The following FBXL20 variants were observed in gnomAD, a reference collection of about 807,000 sequenced individuals.
FBXL20 encodes F-box/LRR-repeat protein 20.
FBXL20 carries 11 observed loss-of-function variants against 64.0 expected under a neutral mutation model. The ratio of observed to expected loss-of-function variants is 0.17; its 90% CI spans 0.11 to 0.28. The LOEUF (loss-of-function observed/expected upper bound fraction) is 0.28, where lower values mean the gene tolerates loss of function less well. Ranked by LOEUF, FBXL20 falls within the 10% of genes least tolerant of loss-of-function variation. The pLI is 1.00. For missense variants in FBXL20, 303 were observed against 526.2 expected (o/e 0.58, Z 4.15); for synonymous variants, 184 against 189.0 (o/e 0.97, Z 0.22).
chr17:39,283,539 G>T (rs1463757714), intron 7 of FBXL20, among the ~76,000 whole-genome samples: 1 of 151,932 alleles, frequency 6.6e-6, no homozygotes, highest in Non-Finnish European at 1.5e-5. Context: ...TGGCTCAACT[G>T]ATCCTCCCGC....
chr17:39,402,000 C>T (rs1438881210), upstream of FBXL20: 3 of 550,582 alleles, frequency 5.4e-6, no homozygotes, highest in African/African-American at 5.9e-5. Flanking sequence ...GCGGGGGCCC[C>T]TCTTCTGCCC....
intron 1 of FBXL20, among the ~76,000 whole-genome samples, chr17:39,355,220 C>T (rs950226789): frequency 3.9e-5 from 6 of 152,140 alleles, no homozygotes; most frequent in South Asian, 2.1e-4. Flanking sequence ...GTGTGAGCCA[C>T]CACGCCCGGC....
intron 1 of FBXL20, among the ~76,000 whole-genome samples, chr17:39,396,747 A>G (rs997457783): frequency 6.6e-6 from 1 of 151,800 alleles, no homozygotes; most frequent in Admixed American, 6.6e-5. Flanking sequence ...CGAGGTTAGG[A>G]GATTGAGACC....
chr17:39,330,949 C>A (rs2047454536), intron 2 of FBXL20, among the ~76,000 whole-genome samples: 1 of 152,120 alleles, frequency 6.6e-6, no homozygotes, highest in Admixed American at 6.6e-5. Context: ...AAATAAAATC[C>A]TAAATTACAA....
intron 1 of FBXL20, among the ~76,000 whole-genome samples, chr17:39,398,084 C>G (rs1238513032): frequency 1.5e-5 from 2 of 131,184 alleles, no homozygotes; most frequent in African/African-American, 5.7e-5. Flanking sequence ...GAGCTCGAGA[C>G]CAGCCTGGCC....
intron 6 of FBXL20, among the ~76,000 whole-genome samples, chr17:39,290,572 A>C (rs1057068072): frequency 2.0e-5 from 3 of 152,112 alleles, no homozygotes; most frequent in Non-Finnish European, 4.4e-5. Context: ...TTTGTCCACA[A>C]ACTTTTTTTT....
chr17:39,330,482 C>T (rs1226999542), intron 2 of FBXL20, among the ~76,000 whole-genome samples: 6 of 148,626 alleles, frequency 4.0e-5, no homozygotes, highest in South Asian at 2.1e-4. Flanking sequence ...GACATAGTGG[C>T]GTGTGTCTGT....
intron 2 of FBXL20, among the ~76,000 whole-genome samples, chr17:39,331,652 G>A (rs959837762): frequency 1.3e-5 from 2 of 152,126 alleles, no homozygotes; most frequent in African/African-American, 2.4e-5. Context: ...ATAATGCCTG[G>A]AACACTGTAG....
intron 1 of FBXL20, among the ~76,000 whole-genome samples, chr17:39,360,799 T>C (rs1282123263): frequency 1.3e-5 from 2 of 152,136 alleles, no homozygotes; most frequent in African/African-American, 4.8e-5. Context: ...CAGCTTCCCA[T>C]ATACCACCCC....
intron 1 of FBXL20, among the ~76,000 whole-genome samples, chr17:39,366,384 G>A (rs1412111717): frequency 6.6e-6 from 1 of 151,912 alleles, no homozygotes; most frequent in East Asian, 1.9e-4. Context: ...TTTTTCTCTG[G>A]TGCTAAACAT....
intron 1 of FBXL20, among the ~76,000 whole-genome samples, chr17:39,360,366 T>C (rs1597818956): frequency 6.6e-6 from 1 of 152,240 alleles, no homozygotes; most frequent in Non-Finnish European, 1.5e-5. Context: ...AACTGTACAC[T>C]TGAAATTGCT....
chr17:39,387,751 A>G (rs1473970391), intron 1 of FBXL20, among the ~76,000 whole-genome samples: 3 of 150,858 alleles, frequency 2.0e-5, no homozygotes, highest in Non-Finnish European at 3.0e-5. Flanking sequence ...CTAATTTTTA[A>G]ATTTTTTGTA....
intron 2 of FBXL20, among the ~76,000 whole-genome samples, chr17:39,337,620 C>T (rs1397392297): frequency 1.3e-5 from 2 of 150,756 alleles, no homozygotes; most frequent in African/African-American, 4.9e-5. Flanking sequence ...AGGTGAGGAG[C>T]GTCTCTGCCC....
At chr17:39,304,214 G>GT (rs34515467) in intron 2 of FBXL20, among the ~76,000 whole-genome samples, 1 of 151,552 alleles carries the variant, frequency 6.6e-6, no homozygotes, top group Non-Finnish European at 1.5e-5. Flanking sequence ...TCTCTAGCTG[G>GT]TTTTTTTAAA....
chr17:39,316,328 C>T (rs1357382650), intron 2 of FBXL20, among the ~76,000 whole-genome samples: 1 of 151,378 alleles, frequency 6.6e-6, no homozygotes, highest in Non-Finnish European at 1.5e-5. Flanking sequence ...TTTTTCTTTC[C>T]CCCCGAGCTC....
chr17:39,281,079 A>G (rs2046946097), intron 9 of FBXL20, among the ~76,000 whole-genome samples: 1 of 152,154 alleles, frequency 6.6e-6, no homozygotes, highest in African/African-American at 2.4e-5. Flanking sequence ...GCAATTTTAA[A>G]TACTAAACTT....
intron 2 of FBXL20, among the ~76,000 whole-genome samples, chr17:39,334,209 T>G (rs1347032873): frequency 6.6e-6 from 1 of 152,152 alleles, no homozygotes; most frequent in East Asian, 1.9e-4. Flanking sequence ...CTGTGTCCAC[T>G]AAGGGTTAAA....
chr17:39,301,766 A>C (rs2047137995), intron 3 of FBXL20, among the ~76,000 whole-genome samples: 2 of 152,020 alleles, frequency 1.3e-5, no homozygotes, highest in South Asian at 2.1e-4. Context: ...GCATGGTGGC[A>C]CACAACTGTA....
At chr17:39,360,692 CTA>C (rs2047785982) in intron 1 of FBXL20, among the ~76,000 whole-genome samples, 1 of 152,188 alleles carries the variant, frequency 6.6e-6, no homozygotes. Flanking sequence ...GTCCTCTGCT[CTA>C]TGTCTGGCTT....
Sources: allele counts gnomAD v4.1 joint callset (sites outside exome capture counted in the v4.1 genomes callset), GRCh38; gene constraint gnomAD v4.1.1; transcripts MANE v1.5; gene names NCBI Gene and HGNC (gene_info 2026-07-23, HGNC 2026-07-21).